The following NAA20 variants were observed in gnomAD, a reference collection of about 807,000 sequenced individuals.
The protein encoded by NAA20 is N-alpha-acetyltransferase 20, NatB catalytic subunit.
In NAA20, 24 loss-of-function variants were observed where a neutral mutation model predicts 23.8. The ratio of observed to expected loss-of-function variants is 1.01; its 90% CI spans 0.73 to 1.42. NAA20 has a LOEUF of 1.42. Among genes scored for constraint, NAA20 ranks in the 40% most tolerant of loss-of-function variants. The pLI is 0.00. For synonymous variants in NAA20, 83 were observed against 77.7 expected, an observed-to-expected ratio of 1.07 and a Z score of -0.36; for missense variants, 166 against 223.1, an observed-to-expected ratio of 0.74 and a Z score of 1.63.
At chr20:20,027,849 C>T (rs545498542) in intron 4 of NAA20, among the ~76,000 whole-genome samples, 46 of 151,970 alleles carry the variant, frequency 3.0e-4, no homozygotes, top group African/African-American at 1.1e-3. Context: ...GGCCCCTCCT[C>T]GTATCTTCAT....
At chr20:20,019,903 A>AGG (rs2043256286) in intron 1 of NAA20, among the ~76,000 whole-genome samples, 1 of 152,148 alleles carries the variant, frequency 6.6e-6, no homozygotes, top group African/African-American at 2.4e-5. Flanking sequence ...TTTTGTATTT[A>AGG]CTTGCCTCTT....
chr20:20,030,585 C>T (rs1223826187), intron 4 of NAA20, among the ~76,000 whole-genome samples: 1 of 151,850 alleles, frequency 6.6e-6, no homozygotes. Flanking sequence ...TGAGAGGAAA[C>T]AAAACTTATT....
chr20:20,025,560 T>C lies in NAA20; in HGVS notation c.79-117T>C, dbSNP rs909628033. On this transcript the variant is annotated intron_variant, in intron 2 of 5. Transcript: ENST00000334982. ...ATGGTATGTATGATTATAGGACTCA[T>C]ACAGAGCTGGGGATAAAGTAACAGT... 5 of 732,276 alleles carry C rather than the reference T, an allele frequency of 6.8e-6. No individual in the cohort carries two copies. In the African/African-American group the frequency reaches 8.7e-5, roughly 13 times the overall value. The allele number at this position is 732,276 out of a possible 1,614,324, so 45.4% of individuals were successfully genotyped here. A position where few individuals can be genotyped will look rare whatever the true frequency, so the allele number is the denominator to read the frequency against.
intron 4 of NAA20, 38 bp from the exon 5 acceptor site, chr20:20,032,469 CA>C: frequency 6.3e-7 from 1 of 1,596,764 alleles, no homozygotes; most frequent in African/African-American, 1.3e-5. Flanking sequence ...TAGGGTTTCT[CA>C]CATTCTAACA....
chr20:20,026,304 C>CA (rs931325286), intron 3 of NAA20, among the ~76,000 whole-genome samples: 20,692 of 120,586 alleles, frequency 0.17, 1,561 homozygotes, highest in Middle Eastern at 0.26. Context: ...GACTCTGTCT[C>CA]AAAAAAAAAA....
At chr20:20,017,984 T>C (rs780122148) in intron 1 of NAA20, 8 of 1,614,054 alleles carry the variant, frequency 5.0e-6, no homozygotes, top group Non-Finnish European at 6.8e-6. Flanking sequence ...TTAAATTGTA[T>C]CCAAATGAAA....
At chr20:20,021,173 C>T (rs1490468925) in intron 1 of NAA20, among the ~76,000 whole-genome samples, 3 of 151,960 alleles carry the variant, frequency 2.0e-5, no homozygotes, top group Admixed American at 2.0e-4. Context: ...GCAGTTCAGT[C>T]GTCGAAAGGT....
chr20:20,017,615 G>A, intron 1 of NAA20, 166 bp downstream of exon 1: 3 of 1,287,376 alleles, frequency 2.3e-6, no homozygotes, highest in South Asian at 1.7e-5. Flanking sequence ...GGGGCCACAG[G>A]GTCCAGGGAG....
intron 4 of NAA20, among the ~76,000 whole-genome samples, chr20:20,030,074 G>C (rs2043332892): frequency 6.6e-6 from 1 of 152,148 alleles, no homozygotes; most frequent in Non-Finnish European, 1.5e-5. Flanking sequence ...AATAATGACT[G>C]AAAGGTCACT....
At chr20:20,017,630 G>A in intron 1 of NAA20, 181 bp downstream of exon 1, 1 of 1,300,004 alleles carries the variant, frequency 7.7e-7, no homozygotes, top group South Asian at 1.6e-5. Flanking sequence ...AGGGAGAGGT[G>A]GGCCTGGAGT....
At chr20:20,021,176 C>T (rs2043265844) in intron 1 of NAA20, among the ~76,000 whole-genome samples, 1 of 151,862 alleles carries the variant, frequency 6.6e-6, no homozygotes, top group African/African-American at 2.4e-5. Flanking sequence ...GTTCAGTCGT[C>T]GAAAGGTGTG....
At chr20:20,026,680 CTTT>C (rs2043308701) in intron 3 of NAA20, 101 bp from the exon 4 acceptor site, 16 of 1,456,690 alleles carry the variant, frequency 1.1e-5, no homozygotes, top group South Asian at 2.6e-5. Flanking sequence ...TTAAAAACTT[CTTT>C]ATTAGTTTCC....
intron 4 of NAA20, 126 bp downstream of exon 4, chr20:20,027,045 C>G (rs1488318593): frequency 7.9e-7 from 1 of 1,267,910 alleles, no homozygotes; most frequent in East Asian, 2.3e-5. Context: ...TCCAGTAGTC[C>G]TTAGAACAAT....
chr20:20,018,969 C>T (rs2146458446), intron 1 of NAA20: 2 of 982,184 alleles, frequency 2.0e-6, no homozygotes, highest in Non-Finnish European at 2.4e-6. Flanking sequence ...ATGTTAGAAA[C>T]GCACATTCCG....
At chr20:20,017,348 G>T, upstream of NAA20, 1 of 1,607,456 alleles carries the variant, frequency 6.2e-7, no homozygotes, top group Non-Finnish European at 8.5e-7. Context: ...CTTCCGGCAG[G>T]GCGGGCGCGG....
chr20:20,018,028 C>G, intron 1 of NAA20: 2 of 1,614,218 alleles, frequency 1.2e-6, no homozygotes, highest in East Asian at 2.2e-5. Context: ...GCAGCAGATG[C>G]TGTCTCAGTC....
intron 4 of NAA20, among the ~76,000 whole-genome samples, chr20:20,027,698 T>G (rs2043315084): frequency 6.6e-6 from 1 of 152,112 alleles, no homozygotes; most frequent in African/African-American, 2.4e-5. Flanking sequence ...GCTGTATGAG[T>G]TTGGGACACC....
chr20:20,025,318 T>G (rs896467498), intron 2 of NAA20, among the ~76,000 whole-genome samples: 3 of 152,182 alleles, frequency 2.0e-5, no homozygotes, highest in Non-Finnish European at 4.4e-5. Context: ...GGGAACATGA[T>G]ATTCATAGAC....
Position 20,023,958 on chromosome 20 carries a change from G to A in NAA20, c.78+1478G>A, listed in dbSNP as rs139008451. ...GAAGAAATAGAGGCAGTTTGTCAGT[G>A]GTTGACAAAATAAGGCCCATAGGCC... On this transcript the variant is annotated intron_variant, in intron 2 of 5. Coordinates refer to ENST00000334982, the MANE Select transcript of NAA20 (RefSeq NM_016100.5). 5.0e-4 allele frequency among the ~76,000 whole-genome samples: 76 copies of A among 152,312 alleles called. 1 individual carries two copies. Among genetic ancestry groups the A allele is most frequent in the Middle Eastern group, 6.8e-3 (2 of 294 alleles).
Sources: gnomAD v4.1 joint callset for allele counts (sites outside exome capture counted in the v4.1 genomes callset) on GRCh38, gnomAD v4.1.1 for gene constraint, MANE v1.5 for transcripts, NCBI Gene and HGNC (gene_info 2026-07-23, HGNC 2026-07-21) for gene names.